ABCC11: variants seen among roughly 807,000 people sequenced by gnomAD.
ABCC11 encodes ATP-binding cassette sub-family C member 11.
In ABCC11, 135 loss-of-function variants were observed where a neutral mutation model predicts 149.3. That is an observed-to-expected ratio of 0.90 (90% CI 0.79 to 1.04). The LOEUF (loss-of-function observed/expected upper bound fraction) is 1.04, where lower values mean the gene tolerates loss of function less well. ABCC11 is among the 50% of genes least tolerant of loss of function. The pLI is 0.00. For synonymous variants in ABCC11, 665 were observed against 671.4 expected (o/e 0.99, Z 0.15); for missense variants, 1,680 against 1,722.1 (o/e 0.98, Z 0.43).
At chr16:48,241,700 T>G (rs1160067300) in intron 1 of ABCC11, among the ~76,000 whole-genome samples, 1 of 152,108 alleles carries the variant, frequency 6.6e-6, no homozygotes, top group Middle Eastern at 3.2e-3. Context: ...AACAGAGATA[T>G]AGACCAATGG....
intron 1 of ABCC11, among the ~76,000 whole-genome samples, chr16:48,236,893 G>T (rs952208456): frequency 4.6e-5 from 7 of 152,140 alleles, no homozygotes; most frequent in African/African-American, 1.7e-4. Context: ...GTTTATTGTG[G>T]TTGTTGGGGC....
At position 48,230,454 on chromosome 16, in the gene ABCC11, G is replaced by A. The variant is rs775644450; in HGVS notation, c.219C>T (p.Pro73=). 2.2e-5 allele frequency: 35 copies of A among 1,608,786 alleles called. No homozygotes were observed. The highest frequency in any genetic ancestry group is 2.8e-5 in the Non-Finnish European group (33 of 1,177,942). Residue 73 remains proline (P), a synonymous_variant, in exon 3 of 30, where the codon CCC becomes CCT. Coordinates refer to ENST00000356608, the MANE Select transcript of ABCC11 (RefSeq NM_001370497.1). ...KYDAALRTMI[P]FRPKPRFPAP... ...GGACTCACCTCGGCTTGGGACGGAA[G>A]GGAATCATGGTTCTCAAGGCAGCAT...
intron 6 of ABCC11, 63 bp from the exon 7 acceptor site, chr16:48,216,350 G>A (rs1969345037): frequency 6.5e-7 from 1 of 1,530,458 alleles, no homozygotes; most frequent in African/African-American, 1.4e-5. Context: ...AGGGGTGGCA[G>A]GTGGCCTCCC....
At chr16:48,195,892 G>A (rs192116683) in intron 18 of ABCC11, among the ~76,000 whole-genome samples, 27 of 152,288 alleles carry the variant, frequency 1.8e-4, no homozygotes, top group African/African-American at 5.1e-4. Context: ...GGGGCACTTT[G>A]GGAGGCTGAG....
chr16:48,205,662 G>C lies in ABCC11; in HGVS notation c.1681-125C>G, dbSNP rs547349733. On this transcript the variant is annotated intron_variant, in intron 12 of 29. Transcript: ENST00000356608. ...ACCTTGGGGGCTCTCCTAGGTAAAAGGGACTTTTAATGTGGCCCTACCAGG... is the reference window on the plus strand; with the variant it reads ...ACCTTGGGGGCTCTCCTAGGTAAAACGGACTTTTAATGTGGCCCTACCAGG... The C allele has an allele frequency of 4.5e-6, 6 of 1,322,296 alleles. No homozygotes were observed. The South Asian group carries it at 6.1e-5, about 14-fold the overall frequency. The allele number at this position is 1,322,296 out of a possible 1,614,324, so 81.9% of individuals were successfully genotyped here.
chr16:48,202,441 T>C (rs1331993690), intron 14 of ABCC11, among the ~76,000 whole-genome samples: 1 of 151,946 alleles, frequency 6.6e-6, no homozygotes, highest in East Asian at 1.9e-4. Context: ...CGAAACCCTG[T>C]CTCCACTAAA....
chr16:48,211,611 A>G (rs1968931318), intron 10 of ABCC11, among the ~76,000 whole-genome samples: 1 of 152,122 alleles, frequency 6.6e-6, no homozygotes, highest in Non-Finnish European at 1.5e-5. Flanking sequence ...TTGGGAGGCC[A>G]AGTCGGGGGA....
intron 24 of ABCC11, 86 bp downstream of exon 24, chr16:48,178,511 C>T: frequency 7.6e-7 from 1 of 1,318,238 alleles, no homozygotes; most frequent in Non-Finnish European, 1.1e-6. Flanking sequence ...TCTCAGGGCT[C>T]TGAGGCCAGT....
At chr16:48,191,252 T>G (rs1015891011) in intron 20 of ABCC11, among the ~76,000 whole-genome samples, 1 of 152,138 alleles carries the variant, frequency 6.6e-6, no homozygotes, top group Non-Finnish European at 1.5e-5. Flanking sequence ...ATAAGAGAAA[T>G]GGGCCAGGTG....
chr16:48,230,549 G>A lies in ABCC11; in HGVS notation c.124C>T (p.Pro42Ser), dbSNP rs867996653. The change falls in exon 3 of 30, where the codon CCC becomes TCC. Residue 42 changes from proline to serine, a missense_variant. Physicochemically the swap from Pro to Ser is moderately conservative, Grantham distance 74. Transcript: ENST00000356608. Reference protein sequence around the residue: ...IYKTYTLQDGPWSQQERNPEA... With the variant: ...IYKTYTLQDGSWSQQERNPEA... ...GGATTTCTCTCTTGCTGACTCCAGG[G>A]GCCATCTTGGAGAGTATAGGTTTTC... 1.7e-5 allele frequency: 28 copies of A among 1,610,148 alleles called. No individual in the cohort carries two copies. The Admixed American group carries it at 3.7e-4, about 21-fold the overall frequency.
At chr16:48,174,828 G>A (rs1355379360) in intron 26 of ABCC11, among the ~76,000 whole-genome samples, 6 of 152,100 alleles carry the variant, frequency 3.9e-5, no homozygotes, top group Non-Finnish European at 8.8e-5. Context: ...TTGTTTGTTT[G>A]TTTGTTTTTT....
intron 13 of ABCC11, 101 bp downstream of exon 13, chr16:48,205,312 C>A: frequency 6.7e-7 from 1 of 1,494,928 alleles, no homozygotes; most frequent in South Asian, 1.2e-5. Context: ...TTAAGTGGAG[C>A]ACACAAGTGT....
Position 48,203,270 on chromosome 16 carries a change from C to A in ABCC11, c.1836G>T (p.Leu612=). The change falls in exon 14 of 30, where the codon CTG becomes CTT. Residue 612 remains leucine, a synonymous_variant. Transcript: ENST00000356608. ...AGGGCAGAAGTTCCAGGTCCCGATT[C>A]AGGGAGCAGCAGTGGAGCACCTGGA... ...RYLQVLHCCS[L]NRDLELLPFG... The A allele has an allele frequency of 1.3e-6, 2 of 1,584,188 alleles. No individual in the cohort carries two copies. Among genetic ancestry groups the A allele is most frequent in the Admixed American group, 1.8e-5 (1 of 55,638 alleles).
In ABCC11 at chr16:48,170,960, G is replaced by T; in HGVS notation, c.3706C>A (p.Leu1236Ile). Residue 1236 changes from leucine (L) to isoleucine (I), a missense_variant, in exon 27 of 30, where the codon CTA (leucine) becomes ATA (isoleucine). Transcript: ENST00000356608. ...TCAGTGTGACGGTCAAAGGGATCTAGGTTGAATCTACCATATGAGAGAAAG... is the reference window on the plus strand; with the variant it reads ...TCAGTGTGACGGTCAAAGGGATCTATGTTGAATCTACCATATGAGAGAAAG... ...VLLSGTIRFN[L>I]DPFDRHTDQQ... 6.2e-7 allele frequency: 1 copy of T among 1,612,572 alleles called. No individual in the cohort carries two copies. Among genetic ancestry groups the T allele is most frequent in the South Asian group, 1.1e-5 (1 of 91,046 alleles).
chr16:48,193,814 G>A (rs1025166378), intron 19 of ABCC11, 65 bp downstream of exon 19: 4 of 1,357,544 alleles, frequency 2.9e-6, no homozygotes, highest in East Asian at 4.6e-5. Context: ...GTCTCAAGGA[G>A]CAAGAAGTCA....
At chr16:48,215,674 C>T (rs1275963216) in intron 7 of ABCC11, among the ~76,000 whole-genome samples, 1 of 152,226 alleles carries the variant, frequency 6.6e-6, no homozygotes, top group African/African-American at 2.4e-5. Flanking sequence ...TCAGAGCACA[C>T]ATAATCCAAG....
In ABCC11 at chr16:48,208,496, C is replaced by G. The variant is rs757743647; in HGVS notation, c.1609G>C (p.Gly537Arg). ...LHKINLVVSK[G>R]MMLGVCGNTG... ...TTGCCGCAGACCCCTAACATCATCCCCTGCAAGCCAAGGAGGACATACAAG... is the reference window on the plus strand; with the variant it reads ...TTGCCGCAGACCCCTAACATCATCCGCTGCAAGCCAAGGAGGACATACAAG... Residue 537 changes from glycine (G) to arginine (R), a missense_variant and splice_region_variant, in exon 12 of 30, where the codon GGG (glycine) becomes CGG (arginine). Physicochemically the swap from Gly to Arg is moderately radical, Grantham distance 125 (BLOSUM62 -2). Coordinates refer to ENST00000356608, the MANE Select transcript of ABCC11 (RefSeq NM_001370497.1). 6.2e-7 allele frequency: 1 copy of G among 1,614,180 alleles called. No homozygotes were observed. The highest frequency in any genetic ancestry group is 8.5e-7 in the Non-Finnish European group (1 of 1,180,022).
intron 23 of ABCC11, among the ~76,000 whole-genome samples, chr16:48,183,494 G>C (rs1407931589): frequency 2.0e-5 from 3 of 152,254 alleles, no homozygotes; most frequent in African/African-American, 7.2e-5. Flanking sequence ...TGGACACGGT[G>C]GTTAACACCT....
chr16:48,176,853 C>A (rs971662233), intron 25 of ABCC11, 71 bp downstream of exon 25: 4 of 1,507,014 alleles, frequency 2.7e-6, no homozygotes, highest in Non-Finnish European at 9.0e-7. Context: ...CAAACACATG[C>A]CCCTAAATAG....
Sources: gnomAD v4.1 joint callset for allele counts (sites outside exome capture counted in the v4.1 genomes callset) on GRCh38, gnomAD v4.1.1 for gene constraint, MANE v1.5 for transcripts, NCBI Gene and HGNC (gene_info 2026-07-23, HGNC 2026-07-21) for gene names.